INVS: variants seen among roughly 807,000 people sequenced by gnomAD.
INVS encodes inversin.
In INVS, 86 loss-of-function variants were observed where a neutral mutation model predicts 108.8. That is an observed-to-expected ratio of 0.79 (90% confidence interval 0.66 to 0.95). The LOEUF (loss-of-function observed/expected upper bound fraction) is 0.95, where lower values mean the gene tolerates loss of function less well. INVS is among the 40% of genes least tolerant of loss of function. The probability of loss-of-function intolerance (pLI) is 0.00; values close to 1 mark genes in which losing one functional copy is unlikely to be tolerated. For missense variants in INVS, 1,169 were observed against 1,297.4 expected, an observed-to-expected ratio of 0.90 and a Z score of 1.52; for synonymous variants, 455 against 473.5, an observed-to-expected ratio of 0.96 and a Z score of 0.51.
At chr9:100,298,294 A>G in intron 16 of INVS, 1 of 1,299,180 alleles carries the variant, frequency 7.7e-7, no homozygotes, top group Admixed American at 3.2e-5. Context: ...ATAAATGAAA[A>G]TACTGTCACT....
intron 12 of INVS, among the ~76,000 whole-genome samples, chr9:100,281,162 A>G (rs533663708): frequency 8.5e-5 from 13 of 152,368 alleles, no homozygotes; most frequent in African/African-American, 2.9e-4. Flanking sequence ...TTTAAAAACA[A>G]TTCTGTCATG....
chr9:100,139,307 T>C (rs1210101227), intron 3 of INVS, among the ~76,000 whole-genome samples: 5 of 152,216 alleles, frequency 3.3e-5, no homozygotes, highest in Non-Finnish European at 5.9e-5. Flanking sequence ...GCTACTCCTT[T>C]GATAGTTCAT....
intron 3 of INVS, among the ~76,000 whole-genome samples, chr9:100,215,874 G>A (rs1452623483): frequency 6.6e-6 from 1 of 152,216 alleles, no homozygotes; most frequent in Non-Finnish European, 1.5e-5. Flanking sequence ...AGAAAAGGAG[G>A]CCAACTGGGC....
chr9:100,133,606 TA>T (rs1353466972), intron 3 of INVS, among the ~76,000 whole-genome samples: 1 of 152,168 alleles, frequency 6.6e-6, no homozygotes, highest in African/African-American at 2.4e-5. Flanking sequence ...AATGAGATAC[TA>T]CTACATGACC....
intron 12 of INVS, among the ~76,000 whole-genome samples, chr9:100,275,545 T>C (rs148012111): frequency 6.6e-6 from 1 of 152,226 alleles, no homozygotes; most frequent in Non-Finnish European, 1.5e-5. Context: ...ATTTTGCGTT[T>C]AATTCTTGCT....
At chr9:100,180,667 C>T (rs1829862070) in intron 3 of INVS, among the ~76,000 whole-genome samples, 2 of 152,062 alleles carry the variant, frequency 1.3e-5, no homozygotes, top group Admixed American at 6.6e-5. Flanking sequence ...AACCCAGGAC[C>T]AGACAGATTC....
chr9:100,203,819 A>G (rs72733341), intron 3 of INVS, among the ~76,000 whole-genome samples: 1,593 of 152,168 alleles, frequency 0.01, 19 homozygotes, highest in Middle Eastern at 0.037. Flanking sequence ...ATTCACATGT[A>G]ATGTTGTGTA....
At chr9:100,174,597 A>T (rs1829649854) in intron 3 of INVS, among the ~76,000 whole-genome samples, 1 of 152,098 alleles carries the variant, frequency 6.6e-6, no homozygotes, top group Non-Finnish European at 1.5e-5. Flanking sequence ...AAGAAACGTA[A>T]TGAACTCCAA....
intron 11 of INVS, among the ~76,000 whole-genome samples, chr9:100,272,598 C>A (rs890064575): frequency 1.3e-5 from 2 of 152,156 alleles, no homozygotes; most frequent in African/African-American, 2.4e-5. Context: ...TTCCAATAGG[C>A]CCCTATTTGT....
At chr9:100,161,805 C>T (rs1829199443) in intron 3 of INVS, among the ~76,000 whole-genome samples, 1 of 152,118 alleles carries the variant, frequency 6.6e-6, no homozygotes, top group African/African-American at 2.4e-5. Flanking sequence ...TAAATCTTGC[C>T]TTGATTAGAG....
chr9:100,186,793 T>G (rs1830066847), intron 3 of INVS, among the ~76,000 whole-genome samples: 1 of 152,190 alleles, frequency 6.6e-6, no homozygotes, highest in Non-Finnish European at 1.5e-5. Flanking sequence ...TAGAAATATG[T>G]TCTTCCATTT....
intron 12 of INVS, among the ~76,000 whole-genome samples, 198 bp from the exon 13 acceptor site, chr9:100,284,122 T>C (rs1833359109): frequency 6.6e-6 from 1 of 152,210 alleles, no homozygotes; most frequent in East Asian, 1.9e-4. Context: ...TTCTGCTCCA[T>C]CATCTTTTGG....
At chr9:100,172,004 A>G (rs898041611) in intron 3 of INVS, among the ~76,000 whole-genome samples, 1 of 152,146 alleles carries the variant, frequency 6.6e-6, no homozygotes, top group Non-Finnish European at 1.5e-5. Context: ...TAAATAAATT[A>G]ATATATTTGA....
intron 3 of INVS, among the ~76,000 whole-genome samples, chr9:100,206,997 T>A (rs1440196555): frequency 6.6e-6 from 1 of 152,194 alleles, no homozygotes; most frequent in Non-Finnish European, 1.5e-5. Flanking sequence ...TCTCAGTGCC[T>A]CATATCAGGA....
At chr9:100,217,931 C>T (rs1408819941) in intron 3 of INVS, among the ~76,000 whole-genome samples, 1 of 152,034 alleles carries the variant, frequency 6.6e-6, no homozygotes, top group Non-Finnish European at 1.5e-5. Flanking sequence ...CTATATACTT[C>T]CTAGGGATAG....
In INVS at chr9:100,105,719, A is replaced by G. The variant is rs551750206; in HGVS notation, c.106+1092A>G. Among the ~76,000 whole-genome samples, 6 of 152,200 alleles carry G rather than the reference A, an allele frequency of 3.9e-5. No individual in the cohort carries two copies. The South Asian group carries it at 1.2e-3, about 32-fold the overall frequency. ...TACTGATGACAAACAATAGTTTTCC[A>G]TGCTCACTGAGACCTCCAATCCACT... On this transcript the variant is annotated intron_variant, in intron 2 of 16. Coordinates refer to ENST00000262457, the MANE Select transcript of INVS (RefSeq NM_014425.5).
chr9:100,222,686 A>T (rs1174910153), intron 3 of INVS, among the ~76,000 whole-genome samples: 2 of 152,190 alleles, frequency 1.3e-5, no homozygotes, highest in African/African-American at 2.4e-5. Context: ...TTTCCAATCG[A>T]AATGACTGTC....
chr9:100,210,811 G>A lies in INVS; in HGVS notation c.274-15251G>A, dbSNP rs147762181. ...AATTAGGTCAGTGCTTCTCAATCCCGGTTGCATTTTTGAATCACCTACCGA... is the reference window on the plus strand; with the variant it reads ...AATTAGGTCAGTGCTTCTCAATCCCAGTTGCATTTTTGAATCACCTACCGA... On this transcript the variant is annotated intron_variant, in intron 3 of 16. Transcript: ENST00000262457. Among the ~76,000 whole-genome samples the A allele has an allele frequency of 4.3e-3, 646 of 151,712 alleles. 4 individuals carry two copies. The highest frequency in any genetic ancestry group is 0.015 in the African/African-American group (614 of 41,356).
intron 3 of INVS, among the ~76,000 whole-genome samples, chr9:100,199,718 T>C (rs1442093188): frequency 6.6e-6 from 1 of 152,182 alleles, no homozygotes; most frequent in Non-Finnish European, 1.5e-5. Context: ...GTGGTGGTTG[T>C]TTTTCTGACT....
Sources: gnomAD v4.1 joint callset for allele counts (sites outside exome capture counted in the v4.1 genomes callset) on GRCh38, gnomAD v4.1.1 for gene constraint, MANE v1.5 for transcripts, NCBI Gene and HGNC (gene_info 2026-07-23, HGNC 2026-07-21) for gene names.